The following LRRIQ1 variants were observed in gnomAD, a reference collection of about 807,000 sequenced individuals.
The protein encoded by LRRIQ1 is leucine rich repeats and IQ motif containing 1, also known as leucine-rich repeat- and IQ domain-containing protein 1.
LRRIQ1 carries 210 observed loss-of-function variants against 211.9 expected under a neutral mutation model. The observed-to-expected ratio is 0.99, with a 90% CI of 0.89 to 1.11. The LOEUF (loss-of-function observed/expected upper bound fraction) is 1.11, where lower values mean the gene tolerates loss of function less well. LRRIQ1 is among the 50% of genes most tolerant of loss of function. The probability of loss-of-function intolerance (pLI) is 0.00; values close to 1 mark genes in which losing one functional copy is unlikely to be tolerated. For synonymous variants in LRRIQ1, 699 were observed against 650.1 expected (o/e 1.08, Z -1.14); for missense variants, 2,136 against 1,939.5 (o/e 1.10, Z -1.90).
At chr12:85,233,075 G>A in intron 26 of LRRIQ1, 1 of 234,122 alleles carries the variant, frequency 4.3e-6, no homozygotes, top group Non-Finnish European at 8.2e-6. Flanking sequence ...AGAATTTGTA[G>A]GCTATAACTG....
chr12:85,214,227 A>G (rs1383882826), intron 24 of LRRIQ1, among the ~76,000 whole-genome samples: 1 of 151,910 alleles, frequency 6.6e-6, no homozygotes, highest in Non-Finnish European at 1.5e-5. Context: ...AAAATGCTAA[A>G]GAAAAGCTTT....
intron 13 of LRRIQ1, among the ~76,000 whole-genome samples, chr12:85,103,231 CAAT>C (rs1362290127): frequency 6.6e-6 from 1 of 150,382 alleles, no homozygotes; most frequent in African/African-American, 2.4e-5. Flanking sequence ...ACTTAGAAGA[CAAT>C]AAAAACCTTT....
intron 8 of LRRIQ1, among the ~76,000 whole-genome samples, chr12:85,064,777 A>C (rs1882251493): frequency 6.6e-6 from 1 of 151,788 alleles, no homozygotes; most frequent in Non-Finnish European, 1.5e-5. Context: ...CCATTATTGA[A>C]GAGGCTGGCC....
intron 26 of LRRIQ1, among the ~76,000 whole-genome samples, chr12:85,244,302 G>A (rs983834573): frequency 6.6e-6 from 1 of 151,358 alleles, no homozygotes; most frequent in Non-Finnish European, 1.5e-5. Flanking sequence ...TTAATGAGAA[G>A]GTAAAGATGG....
At chr12:85,189,554 A>C (rs573791208) in intron 24 of LRRIQ1, among the ~76,000 whole-genome samples, 37 of 152,112 alleles carry the variant, frequency 2.4e-4, no homozygotes, top group African/African-American at 8.9e-4. Flanking sequence ...TAACATCAAG[A>C]GATTAAGAAG....
chr12:85,169,999 T>A (rs1218022662), intron 24 of LRRIQ1, among the ~76,000 whole-genome samples: 1 of 152,128 alleles, frequency 6.6e-6, no homozygotes, highest in Non-Finnish European at 1.5e-5. Context: ...AGGTTTGAAA[T>A]AAATTTCAAT....
intron 1 of LRRIQ1, 82 bp from the exon 2 acceptor site, chr12:85,038,071 A>C (rs1878393705): frequency 1.1e-6 from 1 of 899,690 alleles, no homozygotes; most frequent in Non-Finnish European, 1.5e-6. Flanking sequence ...AACATATTTA[A>C]ATAAATATGT....
chr12:85,222,880 C>G (rs1422073488), intron 24 of LRRIQ1, among the ~76,000 whole-genome samples: 1 of 152,038 alleles, frequency 6.6e-6, no homozygotes, highest in Non-Finnish European at 1.5e-5. Flanking sequence ...TATAGGACTG[C>G]TCACTCACGT....
At position 85,056,469 on chromosome 12, in the gene LRRIQ1, A is replaced by G. The variant is rs1881087442; in HGVS notation, c.1676A>G (p.His559Arg). The G allele has an allele frequency of 6.2e-7, 1 of 1,610,914 alleles. No homozygotes were observed. Among genetic ancestry groups the G allele is most frequent in the Non-Finnish European group, 8.5e-7 (1 of 1,178,940 alleles). Residue 559 changes from histidine to arginine, a missense_variant, in exon 8 of 27, where the codon CAT becomes CGT. By Grantham distance (29) the His-to-Arg change is conservative. Transcript: ENST00000393217. ...TGQKTQIILG[H>R]NQEISEVKTN... is the part of the protein sequence containing the mutation. ...CAAAAAACCCAGATAATATTAGGAC[A>G]TAACCAAGAAATCAGTGAGGTGAAA...
chr12:85,092,341 C>T (rs4761115), intron 11 of LRRIQ1, among the ~76,000 whole-genome samples: 33,369 of 152,010 alleles, frequency 0.22, 4,336 homozygotes, highest in Admixed American at 0.31. Flanking sequence ...GTGTGTGGCC[C>T]ACTCATTATT....
intron 11 of LRRIQ1, among the ~76,000 whole-genome samples, chr12:85,073,931 T>G (rs1883358032): frequency 6.6e-6 from 1 of 152,074 alleles, no homozygotes; most frequent in Non-Finnish European, 1.5e-5. Flanking sequence ...AGATTTGTGT[T>G]TGTAAGTTAG....
chr12:85,143,061 T>C (rs893791621), intron 19 of LRRIQ1, among the ~76,000 whole-genome samples: 3 of 151,696 alleles, frequency 2.0e-5, no homozygotes, highest in African/African-American at 7.2e-5. Context: ...TTATACTAAT[T>C]TACTTTTCCA....
chr12:85,109,613 C>T (rs1241913416), intron 15 of LRRIQ1, among the ~76,000 whole-genome samples: 1 of 152,058 alleles, frequency 6.6e-6, no homozygotes, highest in Non-Finnish European at 1.5e-5. Context: ...TGTCTCTTGA[C>T]CAGCATCAGT....
chr12:85,136,542 G>T (rs1889146730), intron 18 of LRRIQ1, among the ~76,000 whole-genome samples: 4 of 151,882 alleles, frequency 2.6e-5, no homozygotes, highest in Admixed American at 2.6e-4. Flanking sequence ...TTGGCTAATT[G>T]CTGCAGAGGT....
chr12:85,216,641 C>T (rs1356957957), intron 24 of LRRIQ1, among the ~76,000 whole-genome samples: 4 of 151,604 alleles, frequency 2.6e-5, no homozygotes, highest in Non-Finnish European at 4.4e-5. Context: ...TTAATATTTA[C>T]ATGATTAATA....
At chr12:85,076,752 A>T (rs1230988268) in intron 11 of LRRIQ1, 1 of 160,500 alleles carries the variant, frequency 6.2e-6, no homozygotes, top group Non-Finnish European at 1.3e-5. Context: ...TGCTTATAAG[A>T]ATCTTTTTCA....
At chr12:85,055,018 G>GA (rs1379518854) in intron 7 of LRRIQ1, among the ~76,000 whole-genome samples, 1 of 152,066 alleles carries the variant, frequency 6.6e-6, no homozygotes, top group Non-Finnish European at 1.5e-5. Flanking sequence ...TGATCATTGA[G>GA]AAGGGATAAG....
chr12:85,170,336 AAAAG>A (rs1891355920), intron 24 of LRRIQ1, among the ~76,000 whole-genome samples: 3 of 151,468 alleles, frequency 2.0e-5, no homozygotes, highest in Non-Finnish European at 3.0e-5. Context: ...TAATAAAGGA[AAAAG>A]AAAGGAAATA....
chr12:85,123,260 G>A (rs545867087), intron 16 of LRRIQ1, among the ~76,000 whole-genome samples: 4 of 151,978 alleles, frequency 2.6e-5, no homozygotes, highest in South Asian at 4.1e-4. Context: ...TGTTTGATGT[G>A]ATTAACATTT....
Sources: allele counts gnomAD v4.1 joint callset (sites outside exome capture counted in the v4.1 genomes callset), GRCh38; gene constraint gnomAD v4.1.1; transcripts MANE v1.5; gene names NCBI Gene and HGNC (gene_info 2026-07-23, HGNC 2026-07-21).